The following STK3 variants were observed in gnomAD, a reference collection of about 807,000 sequenced individuals.
STK3 encodes the protein serine/threonine-protein kinase 3.
Under a neutral mutation model 58.0 loss-of-function variants are expected in STK3, and 41 were observed. That is an observed-to-expected ratio of 0.71 (90% CI 0.55 to 0.92). The LOEUF is 0.92. STK3 is among the 40% of genes least tolerant of loss of function. STK3 has a pLI of 0.00. For synonymous variants in STK3, 170 were observed against 191.0 expected (o/e 0.89, Z 0.91); for missense variants, 479 against 602.7 (o/e 0.79, Z 2.15).
chr8:98,743,160 G>T (rs1437425375), intron 4 of STK3, among the ~76,000 whole-genome samples: 1 of 148,674 alleles, frequency 6.7e-6, no homozygotes, highest in Non-Finnish European at 1.5e-5. Context: ...ACTGCCCAAG[G>T]TATTTTATAG....
chr8:98,592,721 C>G (rs1364170652), intron 7 of STK3, among the ~76,000 whole-genome samples: 1 of 149,462 alleles, frequency 6.7e-6, no homozygotes, highest in East Asian at 2.0e-4. Flanking sequence ...TGGAAGACTG[C>G]TCACTGACTT....
intron 3 of STK3, chr8:98,427,732 C>A (rs1818258804): frequency 5.0e-6 from 2 of 400,458 alleles, no homozygotes; most frequent in Admixed American, 8.1e-5. Context: ...CCCACCGAGA[C>A]CCCTGGGGTG....
chr8:98,928,189 T>C (rs1178443108), intron 1 of STK3, among the ~76,000 whole-genome samples: 1 of 152,238 alleles, frequency 6.6e-6, no homozygotes, highest in Non-Finnish European at 1.5e-5. Flanking sequence ...TACCTTATTA[T>C]TGTGCCCTGC....
At chr8:98,638,732 G>T (rs1468447934) in intron 6 of STK3, among the ~76,000 whole-genome samples, 1 of 152,140 alleles carries the variant, frequency 6.6e-6, no homozygotes, top group Non-Finnish European at 1.5e-5. Context: ...ACAGAGGACA[G>T]CAACACCAGC....
intron 4 of STK3, among the ~76,000 whole-genome samples, chr8:98,713,431 AT>A (rs572539696): frequency 1.3e-5 from 2 of 152,336 alleles, no homozygotes; most frequent in East Asian, 3.9e-4. Flanking sequence ...CAATAAAAAA[AT>A]GATAAAGGTG....
chr8:98,627,606 A>C (rs919761595), intron 6 of STK3, among the ~76,000 whole-genome samples: 1 of 152,104 alleles, frequency 6.6e-6, no homozygotes, highest in African/African-American at 2.4e-5. Flanking sequence ...TGCCTCAGGA[A>C]GTAAAAGCTT....
intron 10 of STK3, among the ~76,000 whole-genome samples, chr8:98,493,232 C>CAAAAAAA (rs58987455): frequency 8.3e-6 from 1 of 120,242 alleles, no homozygotes; most frequent in Non-Finnish European, 1.8e-5. Context: ...GACCCTGTCT[C>CAAAAAAA]AAAAAAAAAA....
chr8:98,598,988 G>T, intron 6 of STK3: 1 of 734,318 alleles, frequency 1.4e-6, no homozygotes. Context: ...GGAAAGGGCT[G>T]AAAATGAGAA....
At chr8:98,412,532 T>C (rs913037651) in intron 3 of STK3, among the ~76,000 whole-genome samples, 1 of 152,214 alleles carries the variant, frequency 6.6e-6, no homozygotes, top group African/African-American at 2.4e-5. Context: ...ACAGTAGCTG[T>C]TGTGCTCCCG....
chr8:98,428,361 G>A lies in STK3; in HGVS notation n.483+5766C>T, dbSNP rs1284687712. 6.2e-7 allele frequency: 1 copy of A among 1,614,188 alleles called. No individual in the cohort carries two copies. The highest frequency in any genetic ancestry group is 1.7e-5 in the Admixed American group (1 of 60,034). On this transcript the variant is annotated intron_variant and non_coding_transcript_variant, in intron 3 of 3. Transcript: ENST00000517832. The surrounding 1 kb of genome is among the most constrained non-coding windows in gnomAD (Gnocchi z 6.7). ...CAGCTACAGCTACCATGGCCGCAAA[G>A]TAGAGCCCGAGCAGGAGAAGTGGGA... is the stretch of plus-strand genomic sequence containing the variant.
chr8:98,398,142 C>A (rs1379321074), downstream of STK3, among the ~76,000 whole-genome samples: 1 of 152,170 alleles, frequency 6.6e-6, no homozygotes, highest in Admixed American at 6.5e-5. Context: ...GAGCGAAGGG[C>A]ATCACGTGTC....
chr8:98,562,642 A>ACC (rs1211311423), intron 8 of STK3, among the ~76,000 whole-genome samples: 1 of 151,310 alleles, frequency 6.6e-6, no homozygotes, highest in Non-Finnish European at 1.5e-5. Flanking sequence ...TTTACATCAT[A>ACC]AAGAGTGAAC....
At chr8:98,404,544 G>A (rs1172253558) in intron 3 of STK3, among the ~76,000 whole-genome samples, 4 of 152,140 alleles carry the variant, frequency 2.6e-5, no homozygotes, top group Admixed American at 1.3e-4. Flanking sequence ...GCCAGGCACG[G>A]TGGCGGATGC....
chr8:98,523,721 C>T (rs1241997147), intron 10 of STK3, among the ~76,000 whole-genome samples: 1 of 151,668 alleles, frequency 6.6e-6, no homozygotes, highest in Non-Finnish European at 1.5e-5. Flanking sequence ...TTTTTTGTTG[C>T]TGTTGAGTTG....
At chr8:98,878,335 C>A (rs1837639799) in intron 3 of STK3, among the ~76,000 whole-genome samples, 1 of 152,168 alleles carries the variant, frequency 6.6e-6, no homozygotes, top group African/African-American at 2.4e-5. Flanking sequence ...TTCTAAATTT[C>A]TTTACAAAGA....
intron 3 of STK3, chr8:98,427,734 C>A: frequency 4.9e-6 from 2 of 407,552 alleles, no homozygotes; most frequent in Non-Finnish European, 8.7e-6. Flanking sequence ...CACCGAGACC[C>A]CTGGGGTGGA....
chr8:98,842,361 T>C (rs1193770012), intron 3 of STK3, among the ~76,000 whole-genome samples: 1 of 152,152 alleles, frequency 6.6e-6, no homozygotes, highest in Non-Finnish European at 1.5e-5. Flanking sequence ...GAGAGACTTG[T>C]CCTAGCAGGT....
downstream of STK3, chr8:98,880,385 T>C (rs1320317500): frequency 6.6e-6 from 1 of 152,192 alleles, no homozygotes; most frequent in African/African-American, 2.4e-5. Flanking sequence ...CAATATCAAA[T>C]GGCAAATTTC....
At chr8:98,747,744 A>T (rs1379981815) in intron 4 of STK3, among the ~76,000 whole-genome samples, 1 of 152,200 alleles carries the variant, frequency 6.6e-6, no homozygotes, top group African/African-American at 2.4e-5. Context: ...ACAGCTCCTG[A>T]TCAATCTCTT....
Sources: gnomAD v4.1 joint callset for allele counts (sites outside exome capture counted in the v4.1 genomes callset) on GRCh38, gnomAD v4.1.1 for gene constraint, Gnocchi (gnomAD v3.1) non-coding constraint, MANE v1.5 for transcripts, NCBI Gene and HGNC (gene_info 2026-07-23, HGNC 2026-07-21) for gene names.